Variants in GRIK1 observed in about 807,000 individuals in gnomAD.
GRIK1 encodes the protein glutamate ionotropic receptor kainate type subunit 1, also known as glutamate receptor ionotropic, kainate 1.
In GRIK1, 69 loss-of-function variants were observed where a neutral mutation model predicts 105.7. That is an observed-to-expected ratio of 0.65 (90% CI 0.54 to 0.80). GRIK1 has a LOEUF of 0.80. Among genes scored for constraint, GRIK1 ranks in the 30% least tolerant of loss-of-function variants. GRIK1 has a pLI of 0.00. For synonymous variants in GRIK1, 438 were observed against 431.3 expected (o/e 1.02, Z -0.19); for missense variants, 1,109 against 1,167.3 (o/e 0.95, Z 0.73).
At chr21:29,714,347 T>A (rs2064128596) in intron 1 of GRIK1, among the ~76,000 whole-genome samples, 1 of 152,164 alleles carries the variant, frequency 6.6e-6, no homozygotes, top group Non-Finnish European at 1.5e-5. Context: ...AAAAGTGTAA[T>A]TTGTGTGAAT....
At chr21:29,621,623 G>A (rs541512915) in intron 7 of GRIK1, among the ~76,000 whole-genome samples, 4 of 152,140 alleles carry the variant, frequency 2.6e-5, no homozygotes, top group Non-Finnish European at 5.9e-5. Context: ...TAAAATGGAA[G>A]GTCCCATGTC....
chr21:29,707,676 G>A (rs138207314), intron 1 of GRIK1, among the ~76,000 whole-genome samples: 20 of 151,906 alleles, frequency 1.3e-4, no homozygotes, highest in African/African-American at 4.8e-4. Flanking sequence ...TGTATTTTTA[G>A]TAGAGACAGG....
At chr21:29,602,569 G>T (rs114818844) in intron 7 of GRIK1, among the ~76,000 whole-genome samples, 2,647 of 152,282 alleles carry the variant, frequency 0.017, 74 homozygotes, top group African/African-American at 0.06. Context: ...TATCCCAACT[G>T]CAGGGAAAGA....
intron 1 of GRIK1, among the ~76,000 whole-genome samples, chr21:29,914,398 G>T (rs1479879596): frequency 6.6e-6 from 1 of 152,066 alleles, no homozygotes; most frequent in Non-Finnish European, 1.5e-5. Context: ...CACATGAAGA[G>T]AAATTCTTCC....
At chr21:29,679,218 A>G (rs569679768) in intron 3 of GRIK1, among the ~76,000 whole-genome samples, 55 of 152,268 alleles carry the variant, frequency 3.6e-4, no homozygotes, top group Non-Finnish European at 6.2e-4. Context: ...TAGGGATGCT[A>G]TTCTCATTTC....
intron 1 of GRIK1, among the ~76,000 whole-genome samples, chr21:29,765,138 G>A (rs2065626862): frequency 6.6e-6 from 1 of 152,192 alleles, no homozygotes. Flanking sequence ...AGAGCCACAT[G>A]CTCTTAGAAG....
intron 7 of GRIK1, among the ~76,000 whole-genome samples, chr21:29,632,256 G>A (rs979791185): frequency 3.9e-5 from 6 of 151,942 alleles, no homozygotes; most frequent in African/African-American, 1.5e-4. Context: ...ATCCTTGTCT[G>A]ATTTCCCTGA....
chr21:29,910,735 A>G (rs948338717), intron 1 of GRIK1, among the ~76,000 whole-genome samples: 2 of 151,518 alleles, frequency 1.3e-5, no homozygotes, highest in African/African-American at 2.4e-5. Flanking sequence ...ACTGCATCCT[A>G]TACTGATTTT....
At chr21:29,598,007 GA>G (rs199499739) in intron 8 of GRIK1, among the ~76,000 whole-genome samples, 11 of 151,938 alleles carry the variant, frequency 7.2e-5, no homozygotes, top group African/African-American at 1.9e-4. Context: ...ACTATAGTGG[GA>G]AAAAAAATGT....
intron 1 of GRIK1, among the ~76,000 whole-genome samples, chr21:29,803,528 T>G (rs1390671241): frequency 6.6e-6 from 1 of 152,100 alleles, no homozygotes; most frequent in Non-Finnish European, 1.5e-5. Flanking sequence ...GGCTCTGAAC[T>G]TCAAAGACAA....
At chr21:29,737,648 C>T (rs1017604099) in intron 1 of GRIK1, among the ~76,000 whole-genome samples, 1 of 152,232 alleles carries the variant, frequency 6.6e-6, no homozygotes. Context: ...CATGCTAACA[C>T]ATTAAAGAAG....
At chr21:29,811,466 T>C (rs1306798576) in intron 1 of GRIK1, among the ~76,000 whole-genome samples, 3 of 152,176 alleles carry the variant, frequency 2.0e-5, no homozygotes, top group Non-Finnish European at 2.9e-5. Flanking sequence ...AAGTAGATTT[T>C]AAGTACAGCC....
chr21:29,693,553 T>C (rs570190974), intron 2 of GRIK1, among the ~76,000 whole-genome samples: 2 of 152,286 alleles, frequency 1.3e-5, no homozygotes, highest in South Asian at 4.1e-4. Flanking sequence ...TGACCTTCCA[T>C]AATGTTTTAT....
chr21:29,837,118 G>A (rs549614724), intron 1 of GRIK1, among the ~76,000 whole-genome samples: 4 of 152,258 alleles, frequency 2.6e-5, no homozygotes, highest in East Asian at 1.9e-4. Context: ...GGATGTAATC[G>A]TTTTTTGGAT....
At chr21:29,709,101 A>C (rs927845262) in intron 1 of GRIK1, among the ~76,000 whole-genome samples, 3 of 150,840 alleles carry the variant, frequency 2.0e-5, no homozygotes, top group Non-Finnish European at 2.9e-5. Flanking sequence ...TATGTCTATA[A>C]TTTCTTACTG....
rs759160856 is a variant in GRIK1, at chr21:29,598,816, G to GT, written c.1206+13dup. Reference sequence around the variant, plus strand: ...TCATTTGTTATTTTATTTATTTATTGTTAAGGAGGTTACCTTTTCAGTTCC... The same window carrying GT: ...TCATTTGTTATTTTATTTATTTATTGTTTAAGGAGGTTACCTTTTCAGTTCC... On this transcript the variant is annotated intron_variant, in intron 8 of 17. Transcript: ENST00000327783. 3.6e-6 allele frequency: 4 copies of GT among 1,102,678 alleles called. No homozygotes were observed. Among genetic ancestry groups the GT allele is most frequent in the Middle Eastern group, 2.0e-4 (1 of 5,040 alleles). The allele number at this position is 1,102,678 out of a possible 1,614,324, so 68.3% of individuals were successfully genotyped here. A position where few individuals can be genotyped will look rare whatever the true frequency, so the allele number is the denominator to read the frequency against.
chr21:29,783,927 T>C (rs916216863), intron 1 of GRIK1, among the ~76,000 whole-genome samples: 1 of 152,106 alleles, frequency 6.6e-6, no homozygotes, highest in African/African-American at 2.4e-5. Flanking sequence ...CCGACTGTTG[T>C]TTTTTTGCTC....
At chr21:29,755,266 C>T (rs2065306940) in intron 1 of GRIK1, among the ~76,000 whole-genome samples, 1 of 152,144 alleles carries the variant, frequency 6.6e-6, no homozygotes, top group Admixed American at 6.5e-5. Flanking sequence ...GATCATCCCA[C>T]ACTTAGAAAG....
chr21:29,916,003 T>G (rs184886427), intron 1 of GRIK1, among the ~76,000 whole-genome samples: 2 of 152,018 alleles, frequency 1.3e-5, no homozygotes, highest in Admixed American at 1.3e-4. Context: ...ATAATTTTAG[T>G]AAAGTCAAAA....
Sources: allele counts gnomAD v4.1 joint callset (sites outside exome capture counted in the v4.1 genomes callset), GRCh38; gene constraint gnomAD v4.1.1; transcripts MANE v1.5; gene names NCBI Gene and HGNC (gene_info 2026-07-23, HGNC 2026-07-21).